Variants in FAM135B observed in about 807,000 individuals in gnomAD.
FAM135B encodes protein FAM135B.
A neutral mutation model predicts 127.7 loss-of-function variants in FAM135B; 43 were observed. The ratio of observed to expected loss-of-function variants is 0.34; its 90% CI spans 0.26 to 0.43. The LOEUF (loss-of-function observed/expected upper bound fraction) is 0.43. Among genes scored for constraint, FAM135B ranks in the 20% least tolerant of loss-of-function variants. FAM135B has a pLI of 1.00. For synonymous variants in FAM135B, 670 were observed against 665.1 expected (o/e 1.01, Z -0.11); for missense variants, 1,558 against 1,725.6 (o/e 0.90, Z 1.72).
intron 4 of FAM135B, among the ~76,000 whole-genome samples, chr8:138,264,414 TAC>T (rs1234007032): frequency 6.6e-6 from 1 of 152,202 alleles, no homozygotes; most frequent in East Asian, 1.9e-4. Context: ...CCACTTTGGG[TAC>T]AGTTGTAGCT....
intron 14 of FAM135B, among the ~76,000 whole-genome samples, chr8:138,147,193 T>C (rs1032917701): frequency 2.1e-4 from 32 of 152,140 alleles, no homozygotes; most frequent in African/African-American, 7.5e-4. Context: ...CATTCCCTCT[T>C]TCATTTTTGT....
chr8:138,335,045 A>AT (rs952465577), intron 2 of FAM135B, among the ~76,000 whole-genome samples: 1 of 152,156 alleles, frequency 6.6e-6, no homozygotes, highest in African/African-American at 2.4e-5. Flanking sequence ...TGAGGAATAC[A>AT]TTTTTTCTTA....
intron 2 of FAM135B, among the ~76,000 whole-genome samples, chr8:138,338,084 C>T (rs1441602568): frequency 6.6e-6 from 1 of 152,192 alleles, no homozygotes; most frequent in African/African-American, 2.4e-5. Context: ...GGATCCCTTC[C>T]TTAAACCTTA....
At chr8:138,282,014 G>A (rs1051563717) in intron 3 of FAM135B, among the ~76,000 whole-genome samples, 8 of 152,142 alleles carry the variant, frequency 5.3e-5, no homozygotes, top group Admixed American at 1.3e-4. Flanking sequence ...AGCAACATGA[G>A]AGCAGAAAAT....
chr8:138,378,984 C>G (rs1257877520), intron 1 of FAM135B, among the ~76,000 whole-genome samples: 2 of 152,178 alleles, frequency 1.3e-5, no homozygotes, highest in Admixed American at 6.5e-5. Context: ...CTATTTGCAG[C>G]TCTCAGGCAT....
chr8:138,285,345 C>T (rs1824595702), intron 3 of FAM135B, among the ~76,000 whole-genome samples: 2 of 151,854 alleles, frequency 1.3e-5, no homozygotes, highest in South Asian at 2.1e-4. Context: ...CAGGGTTTCA[C>T]CATGTTGGCC....
chr8:138,344,885 C>T (rs924797016), intron 2 of FAM135B, among the ~76,000 whole-genome samples: 1 of 152,146 alleles, frequency 6.6e-6, no homozygotes, highest in Non-Finnish European at 1.5e-5. Flanking sequence ...TCTTGCTACA[C>T]TTTCTATGGC....
At chr8:138,444,527 T>C (rs1168105709) in intron 1 of FAM135B, among the ~76,000 whole-genome samples, 1 of 152,116 alleles carries the variant, frequency 6.6e-6, no homozygotes, top group Non-Finnish European at 1.5e-5. Context: ...ACATGGAAAC[T>C]GAACAACCTG....
intron 2 of FAM135B, among the ~76,000 whole-genome samples, chr8:138,349,493 C>G (rs1479114147): frequency 1.3e-5 from 2 of 152,220 alleles, no homozygotes; most frequent in East Asian, 1.9e-4. Context: ...ATGTCTAGCA[C>G]AATCCCTAGG....
chr8:138,155,882 A>T (rs1184572870), intron 12 of FAM135B, among the ~76,000 whole-genome samples: 1 of 152,178 alleles, frequency 6.6e-6, no homozygotes, highest in African/African-American at 2.4e-5. Context: ...TATTAGACAG[A>T]TGAACGAGAC....
At chr8:138,421,597 T>C (rs1329487026) in intron 1 of FAM135B, among the ~76,000 whole-genome samples, 3 of 152,092 alleles carry the variant, frequency 2.0e-5, no homozygotes, top group South Asian at 2.1e-4. Flanking sequence ...CAAAGAACTC[T>C]ACAGCAAGAA....
At chr8:138,416,541 C>T (rs1024232899) in intron 1 of FAM135B, among the ~76,000 whole-genome samples, 2 of 151,942 alleles carry the variant, frequency 1.3e-5, no homozygotes, top group African/African-American at 2.4e-5. Context: ...TGTATAAGTT[C>T]CAGAGGGTCA....
At chr8:138,343,563 G>T (rs1829198970) in intron 2 of FAM135B, among the ~76,000 whole-genome samples, 1 of 152,190 alleles carries the variant, frequency 6.6e-6, no homozygotes, top group Non-Finnish European at 1.5e-5. Flanking sequence ...TAAAATGAAT[G>T]TGATGAACTT....
chr8:138,279,475 A>C (rs550432633), intron 3 of FAM135B, among the ~76,000 whole-genome samples: 1 of 152,336 alleles, frequency 6.6e-6, no homozygotes, highest in East Asian at 1.9e-4. Flanking sequence ...TCTTCTATGA[A>C]GATCTTCCCA....
At chr8:138,385,206 T>C (rs937973399) in intron 1 of FAM135B, among the ~76,000 whole-genome samples, 2 of 152,204 alleles carry the variant, frequency 1.3e-5, no homozygotes, top group African/African-American at 2.4e-5. Context: ...CTCTGCTCCA[T>C]TGTCATTTCC....
intron 1 of FAM135B, among the ~76,000 whole-genome samples, chr8:138,405,222 TTC>T (rs1231830723): frequency 1.3e-5 from 2 of 151,518 alleles, no homozygotes; most frequent in Admixed American, 6.6e-5. Context: ...TCTTTTTTTT[TTC>T]TTCTTATTAT....
chr8:138,322,613 G>A (rs1202599617), intron 2 of FAM135B, among the ~76,000 whole-genome samples: 1 of 152,188 alleles, frequency 6.6e-6, no homozygotes, highest in African/African-American at 2.4e-5. Flanking sequence ...AGTCAGCTAT[G>A]GGGAAATTGC....
chr8:138,147,588 G>A (rs149006018), intron 14 of FAM135B, among the ~76,000 whole-genome samples: 359 of 152,234 alleles, frequency 2.4e-3, no homozygotes, highest in African/African-American at 8.2e-3. Context: ...TGAAAATTCT[G>A]CAGAGTTTAG....
At position 138,443,332 on chromosome 8, in the gene FAM135B, C is replaced by G. The variant is rs997850085; in HGVS notation, c.-20+53339G>C. On this transcript the variant is annotated intron_variant, in intron 1 of 19. Coordinates refer to ENST00000395297, the MANE Select transcript of FAM135B (RefSeq NM_015912.4). ...CTCTTTTTCTTTCTTTTTACCAGAT[C>G]CTGTGGGTTCCAAAGACATTCTCCA... Among the ~76,000 whole-genome samples, 3 of 152,162 alleles carry G rather than the reference C, an allele frequency of 2.0e-5. No individual in the cohort carries two copies. The East Asian group carries it at 5.8e-4, about 29-fold the overall frequency.
Sources: gnomAD v4.1 joint callset for allele counts (sites outside exome capture counted in the v4.1 genomes callset) on GRCh38, gnomAD v4.1.1 for gene constraint, MANE v1.5 for transcripts, NCBI Gene and HGNC (gene_info 2026-07-23, HGNC 2026-07-21) for gene names.